Variants in GRIK2 observed in about 807,000 individuals in gnomAD.
GRIK2 encodes the protein glutamate ionotropic receptor kainate type subunit 2, also known as glutamate receptor ionotropic, kainate 2.
In GRIK2, 32 loss-of-function variants were observed where a neutral mutation model predicts 100.3. The observed-to-expected ratio is 0.32, with a 90% confidence interval of 0.24 to 0.43. The LOEUF is 0.43. Ranked by LOEUF, GRIK2 falls within the 20% of genes least tolerant of loss-of-function variation. The pLI, the probability that GRIK2 is intolerant of heterozygous loss-of-function variation, is 1.00. For synonymous variants in GRIK2, 417 were observed against 389.4 expected (o/e 1.07, Z -0.83); for missense variants, 843 against 1,114.9 (o/e 0.76, Z 3.47).
At chr6:101,651,424 A>G (rs559086173) in intron 4 of GRIK2, among the ~76,000 whole-genome samples, 1 of 152,278 alleles carries the variant, frequency 6.6e-6, no homozygotes, top group South Asian at 2.1e-4. Context: ...AACTAATCAG[A>G]CAAAAATCCC....
At position 101,686,293 on chromosome 6, in the gene GRIK2, G is replaced by A. The variant is rs761665586; in HGVS notation, c.891G>A (p.Ser297=). ...TCTCCTCCATCATTGAAAAGTGGTCGATGGAACGATTGCAGGCACCTCCGA... is the reference window on the plus strand; with the variant it reads ...TCTCCTCCATCATTGAAAAGTGGTCAATGGAACGATTGCAGGCACCTCCGA... ...TQVSSIIEKW[S]MERLQAPPKP... Residue 297 remains serine (S), a synonymous_variant, in exon 7 of 17, where the codon TCG becomes TCA. Coordinates refer to ENST00000369134, the MANE Select transcript of GRIK2 (RefSeq NM_021956.5). 7.4e-6 allele frequency: 12 copies of A among 1,613,354 alleles called. No homozygotes were observed. The highest frequency in any genetic ancestry group is 6.7e-5 in the East Asian group (3 of 44,836).
chr6:101,446,057 T>C (rs1475382780), intron 2 of GRIK2, among the ~76,000 whole-genome samples: 2 of 151,976 alleles, frequency 1.3e-5, no homozygotes, highest in African/African-American at 4.8e-5. Flanking sequence ...TTAGCTTAAA[T>C]ACTACTTTCT....
chr6:101,715,331 T>C (rs778569914), intron 7 of GRIK2, among the ~76,000 whole-genome samples: 31 of 151,714 alleles, frequency 2.0e-4, no homozygotes, highest in Admixed American at 4.6e-4. Flanking sequence ...CAGGACATGA[T>C]AGGGACAGAT....
At chr6:101,887,955 A>G (rs564481077) in intron 11 of GRIK2, among the ~76,000 whole-genome samples, 1 of 152,258 alleles carries the variant, frequency 6.6e-6, no homozygotes, top group Admixed American at 6.5e-5. Context: ...ATTTCTGTTA[A>G]CAAAGTTGTT....
At chr6:101,902,796 A>G (rs1324746651) in intron 12 of GRIK2, among the ~76,000 whole-genome samples, 1 of 151,906 alleles carries the variant, frequency 6.6e-6, no homozygotes, top group Admixed American at 6.6e-5. Context: ...TTGCAATATT[A>G]TAAACATCAA....
At position 101,811,766 on chromosome 6, in the gene GRIK2, A is replaced by AT. The variant is rs200190757; in HGVS notation, c.1204-6598dup. Among the ~76,000 whole-genome samples the AT allele has an allele frequency of 5.9e-3, 901 of 151,956 alleles. 12 individuals carry two copies. Among genetic ancestry groups the AT allele is most frequent in the African/African-American group, 0.021 (866 of 41,536 alleles). The stretch of plus-strand genomic sequence containing the variant: ...ATAGCCCAATAGAGGAAATAGAAAC[A>AT]TTTTTTGGATTTAAAGTAGTAATAT... On this transcript the variant is annotated intron_variant, in intron 9 of 16. Transcript: ENST00000369134.
chr6:101,584,293 C>T (rs919060094), intron 2 of GRIK2, among the ~76,000 whole-genome samples: 3 of 152,050 alleles, frequency 2.0e-5, no homozygotes, highest in African/African-American at 7.2e-5. Flanking sequence ...TCTACTCAAA[C>T]ACAATTCAAA....
In GRIK2 at chr6:101,539,340, A is replaced by G. The variant is rs573225987; in HGVS notation, c.116-82609A>G. Among the ~76,000 whole-genome samples the G allele has an allele frequency of 2.0e-5, 3 of 151,940 alleles. No individual in the cohort carries two copies. In the South Asian group the frequency reaches 6.2e-4, roughly 31 times the overall value. On this transcript the variant is annotated intron_variant, in intron 2 of 16. Coordinates refer to ENST00000369134, the MANE Select transcript of GRIK2 (RefSeq NM_021956.5). ...TAGGAATATCCAACAAATATAAAGT[A>G]CTGTAATCTAAACTCCAAATTCCAA...
At chr6:101,658,836 G>A (rs780625857) in intron 4 of GRIK2, among the ~76,000 whole-genome samples, 9 of 152,158 alleles carry the variant, frequency 5.9e-5, no homozygotes, top group Non-Finnish European at 1.2e-4. Flanking sequence ...TTTGAGAAGT[G>A]TCTGTTCATA....
intron 2 of GRIK2, among the ~76,000 whole-genome samples, chr6:101,544,823 T>C (rs1290910720): frequency 6.6e-6 from 1 of 152,188 alleles, no homozygotes; most frequent in Non-Finnish European, 1.5e-5. Context: ...AATAAGGCAG[T>C]GGTAGAGGTG....
intron 9 of GRIK2, among the ~76,000 whole-genome samples, chr6:101,812,598 G>T (rs1445812135): frequency 6.6e-6 from 1 of 151,868 alleles, no homozygotes; most frequent in African/African-American, 2.4e-5. Context: ...ATATTCAAAG[G>T]CCTTGGGGTA....
At chr6:101,804,489 A>G (rs1387087999) in intron 9 of GRIK2, among the ~76,000 whole-genome samples, 3 of 151,994 alleles carry the variant, frequency 2.0e-5, no homozygotes, top group Non-Finnish European at 4.4e-5. Flanking sequence ...AGATGAGTAA[A>G]CAGTTTGTGA....
chr6:101,756,059 C>A (rs2128387208), intron 7 of GRIK2, among the ~76,000 whole-genome samples: 1 of 152,078 alleles, frequency 6.6e-6, no homozygotes, highest in Non-Finnish European at 1.5e-5. Flanking sequence ...AAAACTCCCT[C>A]CCCCCCAGGT....
intron 7 of GRIK2, among the ~76,000 whole-genome samples, chr6:101,798,283 A>G (rs1027957448): frequency 3.9e-5 from 6 of 152,112 alleles, no homozygotes; most frequent in African/African-American, 1.4e-4. Flanking sequence ...CCTGTGTAAT[A>G]TATGTAATAT....
Position 101,775,304 on chromosome 6 carries a change from G to A in GRIK2, c.952-24344G>A, listed in dbSNP as rs192954578. Reference sequence around the variant, plus strand: ...AAATTCACAGGAACACTAAACAAATGGATTTGTTAATTATTCATGACATTA... The same window carrying A: ...AAATTCACAGGAACACTAAACAAATAGATTTGTTAATTATTCATGACATTA... On this transcript the variant is annotated intron_variant, in intron 7 of 16. Coordinates refer to ENST00000369134, the MANE Select transcript of GRIK2 (RefSeq NM_021956.5). Among the ~76,000 whole-genome samples, 311 of 152,100 alleles carry A rather than the reference G, an allele frequency of 2.0e-3. 1 individual carries two copies. Among genetic ancestry groups the A allele is most frequent in the African/African-American group, 7.3e-3 (302 of 41,504 alleles).
chr6:101,599,915 A>C (rs1438533745), intron 2 of GRIK2, among the ~76,000 whole-genome samples: 1 of 151,526 alleles, frequency 6.6e-6, no homozygotes, highest in Admixed American at 6.6e-5. Context: ...ATTAAGTCCC[A>C]CTTGTAAATT....
chr6:101,833,138 T>C (rs1439639461), intron 10 of GRIK2, among the ~76,000 whole-genome samples: 1 of 150,904 alleles, frequency 6.6e-6, no homozygotes, highest in African/African-American at 2.5e-5. Flanking sequence ...CTCCTGTATT[T>C]AAGAGATTTA....
intron 7 of GRIK2, among the ~76,000 whole-genome samples, chr6:101,791,766 A>G (rs373384108): frequency 9.2e-4 from 140 of 151,730 alleles, no homozygotes; most frequent in Non-Finnish European, 1.3e-3. Flanking sequence ...TATCCTTGTT[A>G]ACTTTCTGTC....
intron 15 of GRIK2, among the ~76,000 whole-genome samples, chr6:102,038,025 T>G (rs1451052750): frequency 4.6e-5 from 7 of 151,518 alleles, no homozygotes; most frequent in Non-Finnish European, 1.5e-5. Flanking sequence ...CTTATTCTTG[T>G]CACTACTGTG....
Sources: allele counts gnomAD v4.1 joint callset (sites outside exome capture counted in the v4.1 genomes callset), GRCh38; gene constraint gnomAD v4.1.1; transcripts MANE v1.5; gene names NCBI Gene and HGNC (gene_info 2026-07-23, HGNC 2026-07-21).